Variants in SCRN1 observed in about 807,000 individuals in gnomAD.
SCRN1 encodes the protein secernin 1.
A neutral mutation model predicts 43.3 loss-of-function variants in SCRN1; 19 were observed. The observed-to-expected ratio is 0.44, with a 90% CI of 0.31 to 0.64. The LOEUF (loss-of-function observed/expected upper bound fraction) is 0.64. Among genes scored for constraint, SCRN1 ranks in the 30% least tolerant of loss-of-function variants. The probability of loss-of-function intolerance (pLI) is 0.09; values close to 1 mark genes in which losing one functional copy is unlikely to be tolerated. For missense variants in SCRN1, 447 were observed against 524.1 expected (o/e 0.85, Z 1.44); for synonymous variants, 183 against 188.9 (o/e 0.97, Z 0.26).
chr7:29,961,846 T>A (rs1358980662), intron 2 of SCRN1, among the ~76,000 whole-genome samples: 1 of 152,176 alleles, frequency 6.6e-6, no homozygotes, highest in African/African-American at 2.4e-5. Flanking sequence ...CACTGGAGGA[T>A]CTTATTTCTT....
intron 6 of SCRN1, among the ~76,000 whole-genome samples, chr7:29,930,953 A>G (rs1402898156): frequency 6.6e-6 from 1 of 152,244 alleles, no homozygotes; most frequent in Non-Finnish European, 1.5e-5. Context: ...CTCAGCATCC[A>G]GCTCTCACGA....
intron 6 of SCRN1, among the ~76,000 whole-genome samples, chr7:29,931,496 T>C (rs1235122585): frequency 6.6e-6 from 1 of 152,234 alleles, no homozygotes; most frequent in Non-Finnish European, 1.5e-5. Flanking sequence ...TAGAAGTAAA[T>C]TCAGATCTAA....
intron 5 of SCRN1, among the ~76,000 whole-genome samples, chr7:29,938,580 C>T (rs768550192): frequency 2.0e-5 from 3 of 152,228 alleles, no homozygotes; most frequent in Non-Finnish European, 4.4e-5. Context: ...CCACCCAGGG[C>T]GGAAAACCGC....
intron 1 of SCRN1, among the ~76,000 whole-genome samples, chr7:29,977,470 G>T (rs1788868315): frequency 1.3e-5 from 2 of 152,210 alleles, no homozygotes; most frequent in African/African-American, 4.8e-5. Context: ...TAAATGAAGT[G>T]TTTGGGAAAG....
At chr7:29,924,633 G>A (rs1212171066) in intron 7 of SCRN1, among the ~76,000 whole-genome samples, 1 of 152,168 alleles carries the variant, frequency 6.6e-6, no homozygotes, top group Non-Finnish European at 1.5e-5. Context: ...GCTTGCCTCT[G>A]CAGCTGTGGC....
intron 4 of SCRN1, among the ~76,000 whole-genome samples, chr7:29,942,360 G>C (rs1271358621): frequency 6.6e-6 from 1 of 152,022 alleles, no homozygotes; most frequent in Non-Finnish European, 1.5e-5. Flanking sequence ...AAATGGCTGG[G>C]GTTCTTTTTT....
At chr7:29,927,355 C>CA (rs1787000565) in intron 6 of SCRN1, among the ~76,000 whole-genome samples, 1 of 100,932 alleles carries the variant, frequency 9.9e-6, no homozygotes, top group African/African-American at 3.8e-5. Context: ...ATCACCCCCC[C>CA]ACCCACCCAC....
intron 3 of SCRN1, chr7:29,947,321 T>G: frequency 6.4e-7 from 1 of 1,550,714 alleles, no homozygotes; most frequent in South Asian, 1.2e-5. Context: ...TTAACACATC[T>G]CACTGAGAAA....
chr7:29,932,922 G>A (rs1787208640), intron 6 of SCRN1, among the ~76,000 whole-genome samples: 1 of 151,902 alleles, frequency 6.6e-6, no homozygotes, highest in South Asian at 2.1e-4. Context: ...TGTCATGCAG[G>A]CTGGAGTGCA....
chr7:29,977,392 A>C (rs1176168424), intron 1 of SCRN1, among the ~76,000 whole-genome samples: 2 of 152,242 alleles, frequency 1.3e-5, no homozygotes, highest in Non-Finnish European at 2.9e-5. Flanking sequence ...GCTTAACTGA[A>C]AACAGGACAA....
chr7:29,967,605 T>A (rs937090534), intron 2 of SCRN1, among the ~76,000 whole-genome samples: 1 of 152,122 alleles, frequency 6.6e-6, no homozygotes, highest in African/African-American at 2.4e-5. Flanking sequence ...ACCAGCAGCT[T>A]ACTTAATAGG....
intron 1 of SCRN1, among the ~76,000 whole-genome samples, chr7:29,985,433 T>C (rs1010144528): frequency 6.6e-6 from 1 of 150,724 alleles, no homozygotes; most frequent in African/African-American, 2.4e-5. Context: ...AAAATAAAAA[T>C]AAAAGGAAGG....
intron 6 of SCRN1, among the ~76,000 whole-genome samples, chr7:29,933,311 C>A (rs1031747955): frequency 2.0e-5 from 3 of 152,148 alleles, no homozygotes; most frequent in East Asian, 3.9e-4. Flanking sequence ...AGTGTAAATA[C>A]CCCCACTGTG....
At chr7:29,932,713 A>C (rs1458819474) in intron 6 of SCRN1, among the ~76,000 whole-genome samples, 1 of 150,948 alleles carries the variant, frequency 6.6e-6, no homozygotes, top group African/African-American at 2.4e-5. Context: ...AGGAGGAAAC[A>C]AAAGACACAC....
Position 29,930,739 on chromosome 7 carries a change from T to C in SCRN1, c.906-4107A>G, listed in dbSNP as rs143812394. 5.8e-4 allele frequency among the ~76,000 whole-genome samples: 88 copies of C among 152,320 alleles called. 1 individual carries two copies. The highest frequency in any genetic ancestry group is 1.9e-3 in the African/African-American group (79 of 41,564). ...AGTCACCAAACCCTGGGTTGGGAAT[T>C]TGCCCCAGTCACTCAGACTTCTGTG... On this transcript the variant is annotated intron_variant, in intron 6 of 7. Transcript: ENST00000242059.
intron 2 of SCRN1, among the ~76,000 whole-genome samples, chr7:29,960,357 G>A (rs987674556): frequency 2.6e-5 from 4 of 151,392 alleles, no homozygotes; most frequent in Admixed American, 2.0e-4. Context: ...GAATCCATAC[G>A]GTATTTCATG....
At position 29,986,470 on chromosome 7, in the gene SCRN1, T is replaced by G. The variant is rs118159101; in HGVS notation, c.-2+3172A>C. Among the ~76,000 whole-genome samples the G allele has an allele frequency of 8.2e-4, 125 of 152,212 alleles. 1 individual carries two copies. The Middle Eastern group carries it at 0.014, about 17-fold the overall frequency. On this transcript the variant is annotated intron_variant, in intron 1 of 7. Coordinates refer to ENST00000242059, the MANE Select transcript of SCRN1 (RefSeq NM_014766.5). Reference sequence around the variant, plus strand: ...ATATTTTACACTCAGCATATCTCAATACAAACTAGCTGCATTTCAAGTGCT... The same window carrying G: ...ATATTTTACACTCAGCATATCTCAAGACAAACTAGCTGCATTTCAAGTGCT...
chr7:29,929,754 C>T (rs939721026), intron 6 of SCRN1, among the ~76,000 whole-genome samples: 9 of 152,234 alleles, frequency 5.9e-5, no homozygotes, highest in Non-Finnish European at 1.0e-4. Context: ...TTCTACAACT[C>T]GTTTATTTCT....
intron 2 of SCRN1, among the ~76,000 whole-genome samples, chr7:29,957,585 G>T (rs556839893): frequency 4.6e-5 from 7 of 152,372 alleles, no homozygotes; most frequent in African/African-American, 1.7e-4. Flanking sequence ...CATGCCCCAA[G>T]TCTGGTATAT....
Sources: allele counts gnomAD v4.1 joint callset (sites outside exome capture counted in the v4.1 genomes callset), GRCh38; gene constraint gnomAD v4.1.1; transcripts MANE v1.5; gene names NCBI Gene and HGNC (gene_info 2026-07-23, HGNC 2026-07-21).